MEX3C: variants seen among roughly 807,000 people sequenced by gnomAD.
MEX3C encodes RNA-binding E3 ubiquitin-protein ligase MEX3C.
In MEX3C, 15 loss-of-function variants were observed where a neutral mutation model predicts 35.5. That is an observed-to-expected ratio of 0.42 (90% CI 0.28 to 0.65). MEX3C has a LOEUF of 0.65. MEX3C is among the 30% of genes least tolerant of loss of function. The probability of loss-of-function intolerance (pLI) is 0.20; values close to 1 mark genes in which losing one functional copy is unlikely to be tolerated. For synonymous variants in MEX3C, 390 were observed against 352.8 expected (o/e 1.11, Z -1.18); for missense variants, 711 against 842.8 (o/e 0.84, Z 1.94).
chr18:51,194,623 TATAAA>T lies in MEX3C; in HGVS notation c.754+1939_754+1943del. On this transcript the variant is annotated intron_variant, in intron 1 of 1. Coordinates refer to ENST00000406189, the MANE Select transcript of MEX3C (RefSeq NM_016626.5). ...ACTAAAGTTTGTATTAAACTAAATC[TATAAA>T]ATATGTTATCTTGTCCTTCAGTAAA... 3 of 152,346 alleles carry T rather than the reference TATAAA, an allele frequency of 2.0e-5. No homozygotes were observed. The South Asian group carries it at 6.2e-4, about 32-fold the overall frequency. The allele number at this position is 152,346 out of a possible 1,614,324, so 9.4% of individuals were successfully genotyped here.
intron 1 of MEX3C, among the ~76,000 whole-genome samples, chr18:51,188,862 A>G (rs765314137): frequency 6.6e-6 from 1 of 152,218 alleles, no homozygotes; most frequent in Admixed American, 6.5e-5. Context: ...TTAGTGATAC[A>G]TGTTCATGTA....
rs951738667 is a variant in MEX3C, at chr18:51,196,988, G to A, written c.333C>T (p.Asp111=). ...GCTCCGCTTCCTCCCCCTCCTCCTC[G>A]TCCTCTTCCAGCTCCAGCTCGGCCG... The part of the protein sequence containing the change: ...PEAAELELEE[D]EEEGEEAELD... Residue 111 remains aspartate (D), a synonymous_variant, in exon 1 of 2, where the codon GAC becomes GAT. Coordinates refer to ENST00000406189, the MANE Select transcript of MEX3C (RefSeq NM_016626.5). 8.5e-6 allele frequency: 13 copies of A among 1,535,304 alleles called. No individual in the cohort carries two copies. The highest frequency in any genetic ancestry group is 1.1e-5 in the Non-Finnish European group (13 of 1,143,466).
rs1438760700 is a variant in MEX3C, at chr18:51,177,595, T to A, written c.755-19A>T. 2.6e-6 allele frequency: 4 copies of A among 1,562,210 alleles called. No homozygotes were observed. In the African/African-American group the frequency reaches 4.1e-5, roughly 16 times the overall value. ...TTACAACCTGTTAGAAAGAAAACAT[T>A]TCATAAGAATCAACATCTACTTCAA... On this transcript the variant is annotated intron_variant, in intron 1 of 1. Transcript: ENST00000406189. This position sits in a 1 kb window ranked among gnomAD's most constrained non-coding sequence, Gnocchi z 4.2.
intron 1 of MEX3C, chr18:51,192,788 A>G (rs572846549): frequency 6.6e-6 from 1 of 152,318 alleles, no homozygotes; most frequent in Non-Finnish European, 1.5e-5. Flanking sequence ...CTACCTCTCT[A>G]AACGGCAGTA....
In MEX3C at chr18:51,197,264, C is replaced by A. The variant is rs1383457031; in HGVS notation, c.57G>T (p.Pro19=). The A allele has an allele frequency of 1.3e-5, 12 of 910,216 alleles. No individual in the cohort carries two copies. Among genetic ancestry groups the A allele is most frequent in the Non-Finnish European group, 1.6e-5 (12 of 765,236 alleles). The allele number at this position is 910,216 out of a possible 1,614,324, so 56.4% of individuals were successfully genotyped here. ...GCGGCGGCGGCGGCGGGGGCGGCTG[C>A]GGCAGGGGGGCCGGGGCCGCCGCCA... ...LALAAAPAPL[P]QPPPPPPPPP... Residue 19 remains proline (P), a synonymous_variant, in exon 1 of 2, where the codon CCG becomes CCT. Coordinates refer to ENST00000406189, the MANE Select transcript of MEX3C (RefSeq NM_016626.5).
chr18:51,188,518 A>T (rs1460540973), intron 1 of MEX3C, among the ~76,000 whole-genome samples: 1 of 151,704 alleles, frequency 6.6e-6, no homozygotes, highest in African/African-American at 2.4e-5. Flanking sequence ...GGATCACTTG[A>T]GCCTGGGAGG....
rs776655974 is a variant in MEX3C at position 51,177,777 on chromosome 18, C to G, written c.755-201G>C. On this transcript the variant is annotated intron_variant, in intron 1 of 1. Coordinates refer to ENST00000406189, the MANE Select transcript of MEX3C (RefSeq NM_016626.5). This position sits in a 1 kb window ranked among gnomAD's most constrained non-coding sequence, Gnocchi z 4.2. ...GTGGTCTTTTTGCTAGTCCAAGAAC[C>G]TCGATTTTCACAATTATCTGACAGA... Among the ~76,000 whole-genome samples, 1 of 152,172 alleles carries G rather than the reference C, an allele frequency of 6.6e-6. No homozygotes were observed. The highest frequency in any genetic ancestry group is 2.4e-5 in the African/African-American group (1 of 41,446).
At chr18:51,190,325 A>C (rs1454414752) in intron 1 of MEX3C, among the ~76,000 whole-genome samples, 1 of 152,208 alleles carries the variant, frequency 6.6e-6, no homozygotes, top group African/African-American at 2.4e-5. Context: ...GAGAAGGGAA[A>C]TAATAATAAA....
At chr18:51,186,170 T>G (rs41477551) in intron 1 of MEX3C, among the ~76,000 whole-genome samples, 3,857 of 152,280 alleles carry the variant, frequency 0.025, 160 homozygotes, top group African/African-American at 0.082. Flanking sequence ...CCTATAAAGA[T>G]GCTAGTGCTA....
intron 1 of MEX3C, among the ~76,000 whole-genome samples, chr18:51,180,165 T>A (rs1227282595): frequency 6.6e-6 from 1 of 152,154 alleles, no homozygotes; most frequent in Non-Finnish European, 1.5e-5. Context: ...AATCAAATAC[T>A]TTTGATACTA....
intron 1 of MEX3C, among the ~76,000 whole-genome samples, chr18:51,187,067 C>T (rs1006989139): frequency 6.6e-6 from 1 of 152,098 alleles, no homozygotes; most frequent in African/African-American, 2.4e-5. Context: ...ACTCTTTGGC[C>T]TGAAATTAAG....
chr18:51,197,228 A>AGGCGGCGGTGGC lies in MEX3C; in HGVS notation c.81_92dup (p.Pro28_Pro31dup). On this transcript the variant is annotated inframe_insertion, in exon 1 of 2. Transcript: ENST00000406189. Reference sequence around the variant, plus strand: ...CCGGGCCGCCCGAGGGCGGCGGCAGAGGCGGCGGTGGCGGCGGCGGCGGCG... The same window carrying AGGCGGCGGTGGC: ...CCGGGCCGCCCGAGGGCGGCGGCAGAGGCGGCGGTGGCGGCGGCGGTGGCGGCGGCGGCGGCG... 1.0e-6 allele frequency: 1 copy of AGGCGGCGGTGGC among 994,566 alleles called. No individual in the cohort carries two copies. The highest frequency in any genetic ancestry group is 1.2e-6 in the Non-Finnish European group (1 of 838,190). The allele number at this position is 994,566 out of a possible 1,614,324, so 61.6% of individuals were successfully genotyped here. A position where few individuals can be genotyped will look rare whatever the true frequency, so the allele number is the denominator to read the frequency against.
chr18:51,176,379 AC>A lies in MEX3C; in HGVS notation c.1951del (p.Val651LeufsTer42). The part of the protein sequence containing the change: ...TPSCPVCQTA[V>X]TQAIQIHS ...AGAGTGAATTTGGATTGCCTGAGTA[AC>A]AGCTGTCTGGCAAACTGGACATGAT... On this transcript the variant is annotated frameshift_variant, in exon 2 of 2. Transcript: ENST00000406189. LOFTEE classifies it high-confidence loss of function. 6.2e-7 allele frequency: 1 copy of A among 1,613,868 alleles called. No homozygotes were observed. Among genetic ancestry groups the A allele is most frequent in the Non-Finnish European group, 8.5e-7 (1 of 1,179,850 alleles).
At chr18:51,186,780 CTT>C (rs10557003) in intron 1 of MEX3C, among the ~76,000 whole-genome samples, 54,408 of 151,910 alleles carry the variant, frequency 0.36, 10,769 homozygotes, top group Non-Finnish European at 0.45. Flanking sequence ...ACATCAAGTA[CTT>C]GTGTTGTAGA....
At chr18:51,195,478 G>C (rs563729040) in intron 1 of MEX3C, 8 of 152,286 alleles carry the variant, frequency 5.3e-5, no homozygotes, top group Non-Finnish European at 8.8e-5. Context: ...TTATTTATGT[G>C]TACTTTAGAC....
At position 51,197,237 on chromosome 18, in the gene MEX3C, TGGCGGCGGCGGCGGCGGG is replaced by T. The variant is rs1275076877; in HGVS notation, c.66_83del (p.Pro26_Pro31del). On this transcript the variant is annotated inframe_deletion, in exon 1 of 2. Coordinates refer to ENST00000406189, the MANE Select transcript of MEX3C (RefSeq NM_016626.5). ...CCGAGGGCGGCGGCAGAGGCGGCGGTGGCGGCGGCGGCGGCGGGGGCGGCTGCGGCAGGGGGGCCGGGG... is the reference window on the plus strand; with the variant it reads ...CCGAGGGCGGCGGCAGAGGCGGCGGTGGCGGCTGCGGCAGGGGGGCCGGGG... 29 of 981,106 alleles carry T rather than the reference TGGCGGCGGCGGCGGCGGG, an allele frequency of 3.0e-5. No homozygotes were observed. In the Middle Eastern group the frequency reaches 1.5e-3, roughly 52 times the overall value. 60.8% of individuals were successfully genotyped at this position (981,106 alleles called of 1,614,324 possible). A position where few individuals can be genotyped will look rare whatever the true frequency, so the allele number is the denominator to read the frequency against.
rs780574845 is a variant in MEX3C, at chr18:51,196,964, C to T, written c.357G>A (p.Glu119=). 2 of 1,542,162 alleles carry T rather than the reference C, an allele frequency of 1.3e-6. No homozygotes were observed. Among genetic ancestry groups the T allele is most frequent in the South Asian group, 2.4e-5 (2 of 83,700 alleles). Residue 119 remains glutamate, a synonymous_variant, in exon 1 of 2, where the codon GAG becomes GAA. Coordinates refer to ENST00000406189, the MANE Select transcript of MEX3C (RefSeq NM_016626.5). ...CCTCCTCCAGCAGGTCTCCGTCCAG[C>T]TCCGCTTCCTCCCCCTCCTCCTCGT... ...EEDEEEGEEA[E]LDGDLLEEEE...
At chr18:51,193,373 G>C (rs1206261251) in intron 1 of MEX3C, 1 of 152,086 alleles carries the variant, frequency 6.6e-6, no homozygotes, top group East Asian at 1.9e-4. Flanking sequence ...ATGACATTTA[G>C]TATTAATTTA....
At chr18:51,193,910 T>C (rs1912713904) in intron 1 of MEX3C, 1 of 152,222 alleles carries the variant, frequency 6.6e-6, no homozygotes, top group Non-Finnish European at 1.5e-5. Context: ...AAGTCATAAA[T>C]GTCTCCATCT....
Sources: allele counts gnomAD v4.1 joint callset (sites outside exome capture counted in the v4.1 genomes callset), GRCh38; gene constraint gnomAD v4.1.1; non-coding constraint Gnocchi (gnomAD v3.1); transcripts MANE v1.5; gene names NCBI Gene and HGNC (gene_info 2026-07-23, HGNC 2026-07-21).